RPS6KA5: variants seen among roughly 807,000 people sequenced by gnomAD.
RPS6KA5 encodes ribosomal protein S6 kinase A5, also known as ribosomal protein S6 kinase alpha-5.
Under a neutral mutation model 85.5 loss-of-function variants are expected in RPS6KA5, and 27 were observed. That is an observed-to-expected ratio of 0.32 (90% CI 0.23 to 0.44). The LOEUF (loss-of-function observed/expected upper bound fraction) is 0.44, where lower values mean the gene tolerates loss of function less well. RPS6KA5 is among the 20% of genes least tolerant of loss of function. The pLI is 1.00. For missense variants in RPS6KA5, 811 were observed against 980.9 expected (o/e 0.83, Z 2.31); for synonymous variants, 334 against 348.2 (o/e 0.96, Z 0.46).
chr14:90,901,347 G>C (rs972161133), intron 9 of RPS6KA5, among the ~76,000 whole-genome samples: 2 of 151,992 alleles, frequency 1.3e-5, no homozygotes, highest in Admixed American at 6.6e-5. Context: ...AAAAGTGCTG[G>C]GATTAAAGGC....
chr14:90,949,267 A>C (rs890529319), intron 3 of RPS6KA5, among the ~76,000 whole-genome samples: 20 of 152,266 alleles, frequency 1.3e-4, no homozygotes, highest in African/African-American at 4.6e-4. Context: ...ACAAACTCCT[A>C]CATAGCCTTG....
rs2032502863 is a variant in RPS6KA5 at position 90,860,807 on chromosome 14, C to T, written c.*11267G>A. The stretch of plus-strand genomic sequence containing the variant: ...ATTCTCCAGATGAAGAAAAGTAATC[C>T]CAGATGGAAGTAAAAAAGGCAGGAT... On this transcript the variant is annotated 3_prime_UTR_variant, in exon 17 of 17. Coordinates refer to ENST00000614987, the MANE Select transcript of RPS6KA5 (RefSeq NM_004755.4). The T allele has an allele frequency of 6.6e-6, 1 of 151,502 alleles. No homozygotes were observed. The highest frequency in any genetic ancestry group is 1.5e-5 in the Non-Finnish European group (1 of 67,894). The allele number at this position is 151,502 out of a possible 1,614,324, so 9.4% of individuals were successfully genotyped here. A position where few individuals can be genotyped will look rare whatever the true frequency, so the allele number is the denominator to read the frequency against.
chr14:91,034,374 G>A (rs1453821100), intron 1 of RPS6KA5, among the ~76,000 whole-genome samples: 2 of 152,028 alleles, frequency 1.3e-5, no homozygotes, highest in Non-Finnish European at 2.9e-5. Flanking sequence ...CTGAGGTGAT[G>A]AGAGGTGAAG....
chr14:90,946,551 CT>C (rs2037881357), intron 4 of RPS6KA5, among the ~76,000 whole-genome samples: 2 of 152,186 alleles, frequency 1.3e-5, no homozygotes, highest in Non-Finnish European at 2.9e-5. Flanking sequence ...TTCATCCTTC[CT>C]TTTCCCTTCA....
chr14:91,040,146 C>A (rs1281047056), intron 1 of RPS6KA5, among the ~76,000 whole-genome samples: 1 of 152,226 alleles, frequency 6.6e-6, no homozygotes, highest in Non-Finnish European at 1.5e-5. Flanking sequence ...GTGGCTCACG[C>A]CTGTAATCCC....
intron 14 of RPS6KA5, among the ~76,000 whole-genome samples, chr14:90,879,272 CACACAT>C (rs1442759404): frequency 1.4e-5 from 2 of 144,934 alleles, no homozygotes; most frequent in Admixed American, 1.4e-4. Flanking sequence ...AACGTGCTTA[CACACAT>C]GTCACTTGTC....
intron 1 of RPS6KA5, among the ~76,000 whole-genome samples, chr14:91,009,926 T>C (rs1044695857): frequency 6.6e-6 from 1 of 151,934 alleles, no homozygotes; most frequent in African/African-American, 2.4e-5. Context: ...TAACCATGTA[T>C]GAAATTCAAA....
intron 3 of RPS6KA5, among the ~76,000 whole-genome samples, chr14:90,952,259 A>G (rs2038237863): frequency 6.6e-6 from 1 of 152,260 alleles, no homozygotes; most frequent in African/African-American, 2.4e-5. Flanking sequence ...AAACTGTCCA[A>G]TGCATTACCT....
At chr14:90,978,987 A>T (rs978601281) in intron 2 of RPS6KA5, among the ~76,000 whole-genome samples, 7 of 152,100 alleles carry the variant, frequency 4.6e-5, no homozygotes, top group Admixed American at 2.0e-4. Flanking sequence ...CTATACTTAT[A>T]AAAAAAAGCC....
chr14:91,042,362 A>T (rs776320445), intron 1 of RPS6KA5, among the ~76,000 whole-genome samples: 1 of 152,108 alleles, frequency 6.6e-6, no homozygotes, highest in East Asian at 1.9e-4. Context: ...ACAAAAAAAA[A>T]TTAGCTGGGC....
In RPS6KA5 at chr14:90,858,293, AATC is replaced by A. The variant is rs1218041243; in HGVS notation, c.*13778_*13780del. On this transcript the variant is annotated 3_prime_UTR_variant, in exon 17 of 17. Coordinates refer to ENST00000614987, the MANE Select transcript of RPS6KA5 (RefSeq NM_004755.4). ...ACAGATCTAGTATCAGAAGCATCTG[AATC>A]ATCAAAATCATCTATTTCAGAAAAA... 9 of 152,174 alleles carry A rather than the reference AATC, an allele frequency of 5.9e-5. No homozygotes were observed. The highest frequency in any genetic ancestry group is 1.3e-4 in the Non-Finnish European group (9 of 68,032). The allele number at this position is 152,174 out of a possible 1,614,324, so 9.4% of individuals were successfully genotyped here. A position where few individuals can be genotyped will look rare whatever the true frequency, so the allele number is the denominator to read the frequency against.
Position 90,847,942 on chromosome 14 carries a change from A to T in RPS6KA5, c.*24132T>A, listed in dbSNP as rs2031799664. 1 of 152,266 alleles carries T rather than the reference A, an allele frequency of 6.6e-6. No homozygotes were observed. Among genetic ancestry groups the T allele is most frequent in the South Asian group, 2.1e-4 (1 of 4,836 alleles). 9.4% of individuals were successfully genotyped at this position (152,266 alleles called of 1,614,324 possible). A position where few individuals can be genotyped will look rare whatever the true frequency, so the allele number is the denominator to read the frequency against. On this transcript the variant is annotated 3_prime_UTR_variant, in exon 17 of 17. Transcript: ENST00000614987. ...CACACACACAAGTTGGTAAAAAGTA[A>T]GCCCTTACTGCTTTGTTAAAAATAA...
intron 3 of RPS6KA5, among the ~76,000 whole-genome samples, chr14:90,962,845 C>T (rs74415191): frequency 0.046 from 7,016 of 152,208 alleles, 422 homozygotes; most frequent in African/African-American, 0.12. Flanking sequence ...CCTGAACCAG[C>T]TGAGAATACG....
chr14:90,911,748 A>G (rs577868687), intron 7 of RPS6KA5, among the ~76,000 whole-genome samples: 2 of 139,478 alleles, frequency 1.4e-5, no homozygotes, highest in Admixed American at 6.8e-5. Flanking sequence ...TAGTATGAGT[A>G]CAACATTATA....
At chr14:90,949,391 T>C (rs1409561700) in intron 3 of RPS6KA5, among the ~76,000 whole-genome samples, 1 of 152,250 alleles carries the variant, frequency 6.6e-6, no homozygotes, top group Non-Finnish European at 1.5e-5. Context: ...TATCTTGCTA[T>C]ACTGCAATTG....
intron 3 of RPS6KA5, among the ~76,000 whole-genome samples, chr14:90,968,773 G>A (rs980431934): frequency 6.6e-6 from 1 of 152,158 alleles, no homozygotes; most frequent in Non-Finnish European, 1.5e-5. Flanking sequence ...ACTGAATTTT[G>A]GGTTAGTTAT....
chr14:90,960,393 T>C (rs983379604), intron 3 of RPS6KA5, among the ~76,000 whole-genome samples: 1 of 152,196 alleles, frequency 6.6e-6, no homozygotes, highest in African/African-American at 2.4e-5. Context: ...TTCAAATTGT[T>C]ATTCTCTCAA....
intron 1 of RPS6KA5, among the ~76,000 whole-genome samples, chr14:91,016,119 C>T (rs963064518): frequency 2.6e-5 from 4 of 152,136 alleles, no homozygotes; most frequent in African/African-American, 4.8e-5. Flanking sequence ...TCCCCTGAAA[C>T]GAAGTTAAGC....
chr14:90,898,692 G>A (rs2034982151), intron 12 of RPS6KA5, among the ~76,000 whole-genome samples: 2 of 152,186 alleles, frequency 1.3e-5, no homozygotes, highest in South Asian at 4.1e-4. Context: ...GGGCAGAGAA[G>A]TGTAATGGAG....
Sources: allele counts gnomAD v4.1 joint callset (sites outside exome capture counted in the v4.1 genomes callset), GRCh38; gene constraint gnomAD v4.1.1; transcripts MANE v1.5; gene names NCBI Gene and HGNC (gene_info 2026-07-23, HGNC 2026-07-21).